CFAP61: variants seen among roughly 807,000 people sequenced by gnomAD.
CFAP61 encodes the protein cilia and flagella associated protein 61, also known as cilia- and flagella-associated protein 61.
A neutral mutation model predicts 135.6 loss-of-function variants in CFAP61; 107 were observed. The observed-to-expected ratio is 0.79, with a 90% CI of 0.67 to 0.93. CFAP61 has a LOEUF of 0.93. CFAP61 is among the 40% of genes least tolerant of loss of function. The pLI is 0.00. For synonymous variants in CFAP61, 575 were observed against 578.5 expected, an observed-to-expected ratio of 0.99 and a Z score of 0.09; for missense variants, 1,507 against 1,556.2, an observed-to-expected ratio of 0.97 and a Z score of 0.53.
intron 13 of CFAP61, among the ~76,000 whole-genome samples, chr20:20,184,251 A>G (rs534640388): frequency 1.8e-4 from 28 of 152,344 alleles, no homozygotes; most frequent in African/African-American, 6.5e-4. Context: ...AAAACATGTA[A>G]TAAGCATGGG....
At chr20:20,331,732 G>A (rs946806674) in intron 25 of CFAP61, among the ~76,000 whole-genome samples, 1 of 152,032 alleles carries the variant, frequency 6.6e-6, no homozygotes, top group Admixed American at 6.5e-5. Context: ...GACTCGTGGG[G>A]GTTTATATGT....
At chr20:20,200,967 A>G in intron 17 of CFAP61, 1 of 985,224 alleles carries the variant, frequency 1.0e-6, no homozygotes, top group Non-Finnish European at 1.2e-6. Context: ...TCATCTTTAT[A>G]TTTGTAAAAT....
chr20:20,116,350 T>G (rs982396453), intron 8 of CFAP61, among the ~76,000 whole-genome samples: 1 of 152,204 alleles, frequency 6.6e-6, no homozygotes, highest in African/African-American at 2.4e-5. Context: ...GATGGGTAGT[T>G]AGCAAATAAT....
intron 26 of CFAP61, 119 bp from the exon 27 acceptor site, chr20:20,360,091 A>G: frequency 5.4e-6 from 4 of 746,922 alleles, no homozygotes; most frequent in Non-Finnish European, 6.8e-6. Context: ...CAAAAGCTAG[A>G]AAAAAAATGA....
chr20:20,177,922 T>G (rs1285164537), intron 13 of CFAP61, among the ~76,000 whole-genome samples: 1 of 152,070 alleles, frequency 6.6e-6, no homozygotes, highest in African/African-American at 2.4e-5. Flanking sequence ...ACACCTACTC[T>G]TTAAAAATGT....
At chr20:20,181,300 C>CACACACACACACACACACAT (rs1296253250) in intron 13 of CFAP61, among the ~76,000 whole-genome samples, 2 of 150,356 alleles carry the variant, frequency 1.3e-5, no homozygotes, top group African/African-American at 2.4e-5. Context: ...CACACACACA[C>CACACACACACACACACACAT]ATAACCTTGT....
At chr20:20,354,088 T>A (rs559253130) in intron 26 of CFAP61, among the ~76,000 whole-genome samples, 2 of 152,140 alleles carry the variant, frequency 1.3e-5, no homozygotes, top group East Asian at 1.9e-4. Context: ...CATCAACAGA[T>A]GAATGGATAA....
At chr20:20,280,064 C>T (rs143200083) in intron 22 of CFAP61, among the ~76,000 whole-genome samples, 11 of 152,052 alleles carry the variant, frequency 7.2e-5, no homozygotes, top group Non-Finnish European at 1.3e-4. Flanking sequence ...ATGTCCTGAC[C>T]CCCAGTACCA....
intron 24 of CFAP61, among the ~76,000 whole-genome samples, chr20:20,296,087 T>C (rs778537626): frequency 5.5e-4 from 14 of 25,376 alleles, no homozygotes; most frequent in Non-Finnish European, 8.3e-4. Flanking sequence ...CTTTTCTTCC[T>C]TCTTTCCTTC....
At chr20:20,134,078 T>A (rs1376058095) in intron 8 of CFAP61, among the ~76,000 whole-genome samples, 2 of 152,156 alleles carry the variant, frequency 1.3e-5, no homozygotes, top group Non-Finnish European at 2.9e-5. Flanking sequence ...AAGATAAACA[T>A]GCAAGACAAA....
chr20:20,174,776 G>A (rs2146834335), intron 13 of CFAP61, among the ~76,000 whole-genome samples: 1 of 151,512 alleles, frequency 6.6e-6, no homozygotes, highest in East Asian at 1.9e-4. Context: ...AAAAAAATGA[G>A]TGTGCTAACA....
At position 20,359,275 on chromosome 20, in the gene CFAP61, A is replaced by G. The variant is rs1035723006; in HGVS notation, c.3514-935A>G. Among the ~76,000 whole-genome samples, 8 of 152,180 alleles carry G rather than the reference A, an allele frequency of 5.3e-5. No individual in the cohort carries two copies. The highest frequency in any genetic ancestry group is 1.9e-4 in the African/African-American group (8 of 41,446). On this transcript the variant is annotated intron_variant, in intron 26 of 26. Coordinates refer to ENST00000245957, the MANE Select transcript of CFAP61 (RefSeq NM_015585.4). This position sits in a 1 kb window ranked among gnomAD's most constrained non-coding sequence, Gnocchi z 4.0. ...ATTTATTCTAAGGTTTTAAAATCCCACTTCTTGGGAATTATAAGCAAGAAA... is the reference window on the plus strand; with the variant it reads ...ATTTATTCTAAGGTTTTAAAATCCCGCTTCTTGGGAATTATAAGCAAGAAA...
At position 20,356,154 on chromosome 20, in the gene CFAP61, T is replaced by A. The variant is rs867554998; in HGVS notation, c.3514-4056T>A. ...TCACACTGAGAGGAGGTGGTCACAC[T>A]GAGGGGAAGTGGTCACACTGAGGGG... On this transcript the variant is annotated intron_variant, in intron 26 of 26. Coordinates refer to ENST00000245957, the MANE Select transcript of CFAP61 (RefSeq NM_015585.4). Among the ~76,000 whole-genome samples the A allele has an allele frequency of 7.7e-3, 802 of 104,686 alleles. 33 individuals are homozygous for A. Among genetic ancestry groups the A allele is most frequent in the African/African-American group, 0.03 (747 of 25,222 alleles). 68.7% of individuals were successfully genotyped at this position (104,686 alleles called of 152,430 possible).
chr20:20,087,163 G>A (rs1568868403), intron 6 of CFAP61, among the ~76,000 whole-genome samples: 1 of 152,108 alleles, frequency 6.6e-6, no homozygotes, highest in Non-Finnish European at 1.5e-5. Context: ...TTAGATTTAG[G>A]GGGTACATGT....
intron 8 of CFAP61, among the ~76,000 whole-genome samples, chr20:20,101,849 A>G (rs533306282): frequency 6.6e-6 from 1 of 152,136 alleles, no homozygotes; most frequent in South Asian, 2.1e-4. Flanking sequence ...GCTGGTCTTG[A>G]ACTCCGGGCC....
chr20:20,195,264 C>G (rs1015734508), intron 15 of CFAP61, among the ~76,000 whole-genome samples: 17 of 152,170 alleles, frequency 1.1e-4, no homozygotes, highest in Non-Finnish European at 1.0e-4. Flanking sequence ...CTGGTGCCAG[C>G]CTTGCTGATC....
chr20:20,109,602 G>A (rs1050809283), intron 8 of CFAP61, among the ~76,000 whole-genome samples: 4 of 152,106 alleles, frequency 2.6e-5, no homozygotes, highest in African/African-American at 9.7e-5. Flanking sequence ...TCTAACTAGG[G>A]TGCTCACAAA....
intron 20 of CFAP61, among the ~76,000 whole-genome samples, chr20:20,254,336 A>G (rs2051335991): frequency 6.6e-6 from 1 of 151,710 alleles, no homozygotes; most frequent in Non-Finnish European, 1.5e-5. Context: ...GAAATGCCAT[A>G]TGCACCCCCT....
chr20:20,296,986 C>T (rs2055682933), intron 24 of CFAP61, among the ~76,000 whole-genome samples: 2 of 152,112 alleles, frequency 1.3e-5, no homozygotes, highest in Non-Finnish European at 2.9e-5. Flanking sequence ...ACCATTTCCT[C>T]TCCCTTGAAG....
Sources: gnomAD v4.1 joint callset for allele counts (sites outside exome capture counted in the v4.1 genomes callset) on GRCh38, gnomAD v4.1.1 for gene constraint, Gnocchi (gnomAD v3.1) non-coding constraint, MANE v1.5 for transcripts, NCBI Gene and HGNC (gene_info 2026-07-23, HGNC 2026-07-21) for gene names.